The following LAMA5 variants were observed in gnomAD, a reference collection of about 807,000 sequenced individuals.
The protein encoded by LAMA5 is laminin subunit alpha-5.
Under a neutral mutation model 433.4 loss-of-function variants are expected in LAMA5, and 260 were observed. That is an observed-to-expected ratio of 0.60 (90% CI 0.54 to 0.66). The LOEUF (loss-of-function observed/expected upper bound fraction) is 0.66, where lower values mean the gene tolerates loss of function less well. LAMA5 is among the 30% of genes least tolerant of loss of function. The probability of loss-of-function intolerance (pLI) is 0.00; values close to 1 mark genes in which losing one functional copy is unlikely to be tolerated. For synonymous variants in LAMA5, 2,620 were observed against 2,226.6 expected, an observed-to-expected ratio of 1.18 and a Z score of -4.97; for missense variants, 5,378 against 5,258.5, an observed-to-expected ratio of 1.02 and a Z score of -0.70.
At chr20:62,354,633 G>C (rs377743550) in intron 2 of LAMA5, among the ~76,000 whole-genome samples, 148 of 152,260 alleles carry the variant, frequency 9.7e-4, no homozygotes, top group African/African-American at 3.4e-3. Flanking sequence ...AGCAGGGGGG[G>C]TCCCGAGGCA....
chr20:62,336,285 G>C (rs1363883933), intron 18 of LAMA5, 55 bp downstream of exon 18: 22 of 1,291,312 alleles, frequency 1.7e-5, no homozygotes, highest in Non-Finnish European at 2.2e-6. Flanking sequence ...GGATATACTT[G>C]TGGGCACAGT....
Position 62,329,202 on chromosome 20 carries a change from C to T in LAMA5, c.4171G>A (p.Glu1391Lys). Residue 1391 changes from glutamate to lysine, a missense_variant, in exon 33 of 80, where the codon GAG (glutamate) becomes AAG (lysine). Glu to Lys is a moderately conservative substitution (Grantham distance 56). Transcript: ENST00000252999. ...ENVYSFGYLR[E>K]EPLDKSYDFI... ...TCATAGGATTTATCCAGGGGCTCCT[C>T]CCGGAGGTAGCCAAAGCTGTAGACG... is the stretch of plus-strand genomic sequence containing the variant. 1 of 1,612,824 alleles carries T rather than the reference C, an allele frequency of 6.2e-7. No individual in the cohort carries two copies. Among genetic ancestry groups the T allele is most frequent in the Non-Finnish European group, 8.5e-7 (1 of 1,179,908 alleles).
Position 62,328,848 on chromosome 20 carries a change from G to A in LAMA5, c.4443C>T (p.Cys1481=), listed in dbSNP as rs1458244065. 1 of 1,611,176 alleles carries A rather than the reference G, an allele frequency of 6.2e-7. No individual in the cohort carries two copies. The highest frequency in any genetic ancestry group is 1.3e-5 in the African/African-American group (1 of 74,994). Residue 1481 remains cysteine (C), a synonymous_variant, in exon 34 of 80, where the codon TGC becomes TGT. Coordinates refer to ENST00000252999, the MANE Select transcript of LAMA5 (RefSeq NM_005560.6). ...CCCAAGGACTGGGGTACTCACGCCT[G>A]CAGTTGGGGAAGCCCCAGTATCCGG... ...CATGYWGFPN[C]RPCDCGARLC...
intron 58 of LAMA5, among the ~76,000 whole-genome samples, chr20:62,315,504 A>G (rs1028157711): frequency 6.6e-6 from 1 of 151,960 alleles, no homozygotes; most frequent in Non-Finnish European, 1.5e-5. Context: ...TGCTGGGAAC[A>G]GTCCGCAGCC....
In LAMA5 at chr20:62,329,128, C is replaced by A; in HGVS notation, c.4235+10G>T. 1 of 1,612,374 alleles carries A rather than the reference C, an allele frequency of 6.2e-7. No individual in the cohort carries two copies. Among genetic ancestry groups the A allele is most frequent in the South Asian group, 1.1e-5 (1 of 91,052 alleles). ...ACCCCGGACCCCTGACCTGCCAGAG[C>A]CCTGCCCACCTGATGTGGTAGCCCT... On this transcript the variant is annotated intron_variant, in intron 33 of 79. Transcript: ENST00000252999.
In LAMA5 at chr20:62,311,413, G is replaced by A; in HGVS notation, c.9930C>T (p.Ala3310=). 6.4e-7 allele frequency: 1 copy of A among 1,571,846 alleles called. No homozygotes were observed. Among genetic ancestry groups the A allele is most frequent in the Non-Finnish European group, 8.6e-7 (1 of 1,157,418 alleles). The change falls in exon 72 of 80, where the codon GCC becomes GCT. Residue 3310 remains alanine, a synonymous_variant. Coordinates refer to ENST00000252999, the MANE Select transcript of LAMA5 (RefSeq NM_005560.6). ...TPGLGPRGLQ[A]TARKASRRSR... ...CTGGGGTGCCCACCTTCCGGGCGGT[G>A]GCCTGCAGTCCTCTAGGCCCCAGGC...
At position 62,345,895 on chromosome 20, in the gene LAMA5, G is replaced by A; in HGVS notation, c.1418-18C>T. ...GGGCGTCGCTGAGGGGAAGAGACAC[G>A]CATGTTGGCCAGGTCTGCTCAGAAC... On this transcript the variant is annotated intron_variant, in intron 10 of 79. Coordinates refer to ENST00000252999, the MANE Select transcript of LAMA5 (RefSeq NM_005560.6). 8 of 1,556,500 alleles carry A rather than the reference G, an allele frequency of 5.1e-6. No individual in the cohort carries two copies. Among genetic ancestry groups the A allele is most frequent in the South Asian group, 4.7e-5 (4 of 84,714 alleles).
intron 11 of LAMA5, among the ~76,000 whole-genome samples, chr20:62,344,567 G>GC (rs1284321085): frequency 2.0e-5 from 3 of 151,956 alleles, no homozygotes; most frequent in African/African-American, 7.3e-5. Context: ...TCCTGCCTCA[G>GC]CCCCCCAAGT....
chr20:62,309,357 G>A lies in LAMA5; in HGVS notation c.11067C>T (p.Ala3689=), dbSNP rs200330582. The change falls in exon 80 of 80, where the codon GCC becomes GCT. Residue 3689 remains alanine, a synonymous_variant. Transcript: ENST00000252999. ...RSVEVHGAVG[A]SGCPAA The stretch of plus-strand genomic sequence containing the variant: ...TGTCCTAGGCGGCTGGGCAGCCACT[G>A]GCCCCCACTGCCCCGTGGACCTCCA... 5.8e-4 allele frequency: 918 copies of A among 1,590,668 alleles called. 4 individuals are homozygous for A. The African/African-American group carries it at 0.012, about 20-fold the overall frequency.
Position 62,312,876 on chromosome 20 carries a change from C to T in LAMA5, c.9078+12G>A, listed in dbSNP as rs1314306796. ...CCTCTCCCTGCCACCCTGGTCCCCA[C>T]CCTGGCCCTACCGCCTTGCTGGCCG... On this transcript the variant is annotated intron_variant, in intron 66 of 79. Transcript: ENST00000252999. 2 of 1,595,046 alleles carry T rather than the reference C, an allele frequency of 1.3e-6. No homozygotes were observed. Among genetic ancestry groups the T allele is most frequent in the Admixed American group, 1.7e-5 (1 of 59,244 alleles).
Position 62,324,161 on chromosome 20 carries a change from T to C in LAMA5, c.5687A>G (p.Gln1896Arg). 6.4e-7 allele frequency: 1 copy of C among 1,561,728 alleles called. No individual in the cohort carries two copies. The highest frequency in any genetic ancestry group is 8.6e-7 in the Non-Finnish European group (1 of 1,163,000). ...NTEGAHCERC[Q>R]AGFVSSRDDP... ...GTCCCTGCTGCTCACGAAGCCAGCCTGGCAGCGCTCACAGTGGGCCCCTTC... is the reference window on the plus strand; with the variant it reads ...GTCCCTGCTGCTCACGAAGCCAGCCCGGCAGCGCTCACAGTGGGCCCCTTC... Residue 1896 changes from glutamine (Q) to arginine (R), a missense_variant, in exon 43 of 80, where the codon CAG becomes CGG. Transcript: ENST00000252999. This position sits in a 1 kb window ranked among gnomAD's most constrained non-coding sequence, Gnocchi z 4.4.
In LAMA5 at chr20:62,314,794, C is replaced by T. The variant is rs750341460; in HGVS notation, c.8196+5G>A. 6.2e-7 allele frequency: 1 copy of T among 1,612,904 alleles called. No individual in the cohort carries two copies. The highest frequency in any genetic ancestry group is 8.5e-7 in the Non-Finnish European group (1 of 1,179,942). On this transcript the variant is annotated splice_donor_5th_base_variant and intron_variant, in intron 60 of 79. Transcript: ENST00000252999. The stretch of plus-strand genomic sequence containing the variant: ...TGTCCACCTTCCCCTGGGACTCTCA[C>T]CCACCTTACTGGCAGCCCCCCGGGC...
chr20:62,355,328 C>T (rs1035960559), intron 2 of LAMA5: 1 of 152,378 alleles, frequency 6.6e-6, no homozygotes, highest in Non-Finnish European at 1.5e-5. Flanking sequence ...CCTAGGGCCC[C>T]AAGGGGGAGA....
intron 79 of LAMA5, 34 bp downstream of exon 79, chr20:62,309,682 C>T: frequency 1.5e-6 from 2 of 1,308,282 alleles, no homozygotes; most frequent in Non-Finnish European, 2.0e-6. Context: ...TCCTGAGGGG[C>T]AGCTCCCCCA....
chr20:62,313,304 C>T (rs752993926), intron 64 of LAMA5, 23 bp downstream of exon 64: 27 of 1,515,510 alleles, frequency 1.8e-5, no homozygotes, highest in Middle Eastern at 1.8e-4. Flanking sequence ...TGGGTGGAGA[C>T]GGGGAGGGCA....
At chr20:62,345,370 C>G (rs1294311768) in intron 11 of LAMA5, 1 of 153,704 alleles carries the variant, frequency 6.5e-6, no homozygotes, top group Non-Finnish European at 1.4e-5. Context: ...TACATGTGCA[C>G]ATTGTGCAGG....
intron 45 of LAMA5, 116 bp from the exon 46 acceptor site, chr20:62,322,874 C>A: frequency 3.1e-6 from 2 of 642,246 alleles, no homozygotes; most frequent in Admixed American, 3.6e-5. Context: ...CCAGGCCGCC[C>A]GGACCACCCG....
rs761613012 is a variant in LAMA5, at chr20:62,314,848, A to G, written c.8147T>C (p.Ile2716Thr). The G allele has an allele frequency of 1.9e-6, 3 of 1,612,730 alleles. No individual in the cohort carries two copies. The highest frequency in any genetic ancestry group is 2.5e-6 in the Non-Finnish European group (3 of 1,179,920). Residue 2716 changes from isoleucine to threonine, a missense_variant, in exon 60 of 80, where the codon ATT becomes ACT. By Grantham distance (89) the Ile-to-Thr change is moderately conservative. Coordinates refer to ENST00000252999, the MANE Select transcript of LAMA5 (RefSeq NM_005560.6). The part of the protein sequence containing the change: ...HNASLALSAS[I>T]GRVRELIAQA... ...GGCAATGAGCTCTCGCACGCGGCCA[A>G]TGCTGGCGGACAGGGCCAGGCTGGC...
In LAMA5 at chr20:62,333,408, G is replaced by A. The variant is rs1980879118; in HGVS notation, c.3095C>T (p.Thr1032Ile). ...LLQLRVTEACTYRPSAQQSGD... is the reference protein window; with the variant it reads ...LLQLRVTEACIYRPSAQQSGD... ...AGACTGCTGGGCAGAGGGACGGTAT[G>A]TGCAGGCCTCAGTCACCCGCAGCTG... is the stretch of plus-strand genomic sequence containing the variant. The change falls in exon 25 of 80, where the codon ACA becomes ATA. Residue 1032 changes from threonine (T) to isoleucine (I), a missense_variant. Physicochemically the swap from Thr to Ile is moderately conservative, Grantham distance 89. Transcript: ENST00000252999. 6.2e-7 allele frequency: 1 copy of A among 1,612,756 alleles called. No homozygotes were observed. Among genetic ancestry groups the A allele is most frequent in the Non-Finnish European group, 8.5e-7 (1 of 1,179,898 alleles).
Sources: gnomAD v4.1 joint callset for allele counts (sites outside exome capture counted in the v4.1 genomes callset) on GRCh38, gnomAD v4.1.1 for gene constraint, Gnocchi (gnomAD v3.1) non-coding constraint, MANE v1.5 for transcripts, NCBI Gene and HGNC (gene_info 2026-07-23, HGNC 2026-07-21) for gene names.